Variants in AUTS2 observed in about 807,000 individuals in gnomAD.
AUTS2 encodes activator of transcription and developmental regulator AUTS2, also known as autism susceptibility gene 2 protein.
AUTS2 carries 17 observed loss-of-function variants against 112.4 expected under a neutral mutation model. The ratio of observed to expected loss-of-function variants is 0.15; its 90% CI spans 0.10 to 0.23. AUTS2 has a LOEUF of 0.23. Ranked by LOEUF, AUTS2 falls within the 10% of genes least tolerant of loss-of-function variation. The probability of loss-of-function intolerance (pLI) is 1.00; values close to 1 mark genes in which losing one functional copy is unlikely to be tolerated. For missense variants in AUTS2, 1,510 were observed against 1,701.6 expected, an observed-to-expected ratio of 0.89 and a Z score of 1.98; for synonymous variants, 751 against 702.7, an observed-to-expected ratio of 1.07 and a Z score of -1.09.
At chr7:69,676,732 C>G (rs189427810) in intron 1 of AUTS2, among the ~76,000 whole-genome samples, 12 of 152,014 alleles carry the variant, frequency 7.9e-5, no homozygotes, top group African/African-American at 2.9e-4. Context: ...TCTTACTTCT[C>G]TTTTTAGTTA....
chr7:69,783,410 C>T (rs1472933421), intron 1 of AUTS2, among the ~76,000 whole-genome samples: 2 of 152,082 alleles, frequency 1.3e-5, no homozygotes, highest in Non-Finnish European at 2.9e-5. Context: ...GATGCTTGTT[C>T]TCCAGTTATA....
At chr7:70,354,128 A>G (rs976298516) in intron 4 of AUTS2, among the ~76,000 whole-genome samples, 3 of 152,154 alleles carry the variant, frequency 2.0e-5, no homozygotes, top group Admixed American at 6.5e-5. Context: ...TAAGTTTCTC[A>G]CTCAGTACAT....
intron 2 of AUTS2, among the ~76,000 whole-genome samples, chr7:70,080,799 A>G (rs1173637144): frequency 3.9e-5 from 6 of 152,226 alleles, no homozygotes; most frequent in African/African-American, 1.4e-4. Flanking sequence ...TGATTATGGA[A>G]TATGAAGTCA....
At chr7:69,604,257 AATAGGCTCTC>A (rs1792592918) in intron 1 of AUTS2, among the ~76,000 whole-genome samples, 1 of 152,260 alleles carries the variant, frequency 6.6e-6, no homozygotes, top group Admixed American at 6.5e-5. Context: ...ATGCCATGTT[AATAGGCTCTC>A]ACAATTTATT....
At chr7:70,487,971 C>T (rs747485754) in intron 5 of AUTS2, among the ~76,000 whole-genome samples, 5 of 152,178 alleles carry the variant, frequency 3.3e-5, no homozygotes, top group East Asian at 1.9e-4. Context: ...TCGTAGAGGG[C>T]TCCGAAGGGA....
At chr7:70,346,706 A>G (rs1352266270) in intron 4 of AUTS2, among the ~76,000 whole-genome samples, 1 of 152,030 alleles carries the variant, frequency 6.6e-6, no homozygotes, top group Non-Finnish European at 1.5e-5. Flanking sequence ...CCCTTCACCT[A>G]CCACATCATC....
intron 1 of AUTS2, among the ~76,000 whole-genome samples, chr7:69,771,491 G>A (rs1016400879): frequency 6.6e-6 from 1 of 152,234 alleles, no homozygotes. Context: ...CTGTGTGCAA[G>A]TAGATGGTTT....
At chr7:69,910,976 C>T (rs1487854123) in intron 2 of AUTS2, among the ~76,000 whole-genome samples, 1 of 152,224 alleles carries the variant, frequency 6.6e-6, no homozygotes, top group Non-Finnish European at 1.5e-5. Flanking sequence ...TACTCATTAT[C>T]ACGAGAACAG....
intron 2 of AUTS2, among the ~76,000 whole-genome samples, chr7:69,953,436 G>A (rs549070372): frequency 8.9e-4 from 135 of 152,192 alleles, no homozygotes; most frequent in Non-Finnish European, 1.6e-3. Context: ...GCTGTATTAA[G>A]CCCAAGAGCT....
chr7:69,889,635 A>AT (rs946760005), intron 1 of AUTS2, among the ~76,000 whole-genome samples: 4 of 152,090 alleles, frequency 2.6e-5, no homozygotes, highest in Non-Finnish European at 4.4e-5. Flanking sequence ...GTCTAGTCAG[A>AT]TTTTTTTTAA....
At chr7:70,371,059 A>T (rs1792814859) in intron 4 of AUTS2, among the ~76,000 whole-genome samples, 1 of 152,186 alleles carries the variant, frequency 6.6e-6, no homozygotes, top group African/African-American at 2.4e-5. Flanking sequence ...AATTGGACGC[A>T]GCCTTTTATA....
chr7:70,771,686 G>A, intron 11 of AUTS2, 42 bp downstream of exon 11: 1 of 1,570,450 alleles, frequency 6.4e-7, no homozygotes. Context: ...ATGTGTCTAA[G>A]TGGCGTCCCG....
chr7:70,646,593 C>T lies in AUTS2; in HGVS notation c.691-51976C>T, dbSNP rs566710335. Among the ~76,000 whole-genome samples the T allele has an allele frequency of 2.4e-3, 367 of 152,360 alleles. 3 individuals are homozygous for T. The highest frequency in any genetic ancestry group is 7.8e-3 in the African/African-American group (325 of 41,598). ...GGGGAGCCCACCGCCTCTGGCCCCC[C>T]AAGGGGATTCTCTTTTTCTTTATGC... On this transcript the variant is annotated intron_variant, in intron 5 of 18. Coordinates refer to ENST00000342771, the MANE Select transcript of AUTS2 (RefSeq NM_015570.4).
chr7:70,558,362 C>T (rs1174796546), intron 5 of AUTS2, among the ~76,000 whole-genome samples: 1 of 152,164 alleles, frequency 6.6e-6, no homozygotes, highest in Non-Finnish European at 1.5e-5. Context: ...GCTCTTCTCT[C>T]TCTCTGTGTA....
intron 6 of AUTS2, among the ~76,000 whole-genome samples, chr7:70,731,211 A>G (rs796206413): frequency 6.6e-6 from 1 of 151,878 alleles, no homozygotes; most frequent in Non-Finnish European, 1.5e-5. Context: ...CACTTTCTTG[A>G]TAGTGTCTTT....
At chr7:70,509,157 T>A (rs181684627) in intron 5 of AUTS2, among the ~76,000 whole-genome samples, 151 of 152,374 alleles carry the variant, frequency 9.9e-4, no homozygotes, top group Middle Eastern at 6.8e-3. Flanking sequence ...GTGCCATTAC[T>A]TCATTCAAGT....
chr7:70,478,252 ATCAC>A (rs1797656327), intron 5 of AUTS2, among the ~76,000 whole-genome samples: 1 of 152,206 alleles, frequency 6.6e-6, no homozygotes, highest in Admixed American at 6.5e-5. Flanking sequence ...GAAAATAAAG[ATCAC>A]TCATAATTCC....
intron 5 of AUTS2, among the ~76,000 whole-genome samples, chr7:70,652,027 A>G (rs1806534288): frequency 1.3e-5 from 2 of 152,134 alleles, no homozygotes; most frequent in Admixed American, 6.5e-5. Context: ...TACATTGCAC[A>G]CGCCGTCACG....
chr7:70,463,931 A>C (rs929477714), intron 5 of AUTS2, among the ~76,000 whole-genome samples: 1 of 152,240 alleles, frequency 6.6e-6, no homozygotes, highest in South Asian at 2.1e-4. Flanking sequence ...AAATTAATCC[A>C]TGTGGGTCAA....
Sources: allele counts gnomAD v4.1 joint callset (sites outside exome capture counted in the v4.1 genomes callset), GRCh38; gene constraint gnomAD v4.1.1; transcripts MANE v1.5; gene names NCBI Gene and HGNC (gene_info 2026-07-23, HGNC 2026-07-21).